The following GRAMD1C variants were observed in gnomAD, a reference collection of about 807,000 sequenced individuals.
GRAMD1C encodes protein Aster-C.
Under a neutral mutation model 97.8 loss-of-function variants are expected in GRAMD1C, and 89 were observed. The ratio of observed to expected loss-of-function variants is 0.91; its 90% CI spans 0.77 to 1.09. The LOEUF (loss-of-function observed/expected upper bound fraction) is 1.09. Among genes scored for constraint, GRAMD1C ranks in the 50% least tolerant of loss-of-function variants. The pLI, the probability that GRAMD1C is intolerant of heterozygous loss-of-function variation, is 0.00. For missense variants in GRAMD1C, 740 were observed against 766.4 expected (o/e 0.97, Z 0.41); for synonymous variants, 256 against 267.0 (o/e 0.96, Z 0.40).
chr3:113,868,275 T>A (rs1412388933), intron 2 of GRAMD1C, among the ~76,000 whole-genome samples: 1 of 152,190 alleles, frequency 6.6e-6, no homozygotes, highest in Non-Finnish European at 1.5e-5. Flanking sequence ...AAATTCAATG[T>A]CTGGGGACCC....
At position 113,945,669 on chromosome 3, in the gene GRAMD1C, T is replaced by G. The variant is rs1938037984; in HGVS notation, c.*191T>G. 1 of 522,796 alleles carries G rather than the reference T, an allele frequency of 1.9e-6. No homozygotes were observed. The highest frequency in any genetic ancestry group is 3.4e-6 in the Non-Finnish European group (1 of 296,338). The allele number at this position is 522,796 out of a possible 1,614,324, so 32.4% of individuals were successfully genotyped here. On this transcript the variant is annotated 3_prime_UTR_variant, in exon 18 of 18. Coordinates refer to ENST00000358160, the MANE Select transcript of GRAMD1C (RefSeq NM_017577.5). ...TCTGCTGGCCTTAATAATCCATCCTTTCACTTCTTATAGATATTTTTAAGC... is the reference window on the plus strand; with the variant it reads ...TCTGCTGGCCTTAATAATCCATCCTGTCACTTCTTATAGATATTTTTAAGC...
At chr3:113,890,734 G>A (rs747346745) in intron 6 of GRAMD1C, 35 of 700,292 alleles carry the variant, frequency 5.0e-5, no homozygotes, top group Non-Finnish European at 8.9e-5. Context: ...TCCTTCCAAT[G>A]TCACATTTGT....
At chr3:113,849,904 G>A (rs1377195742) in intron 2 of GRAMD1C, among the ~76,000 whole-genome samples, 2 of 148,836 alleles carry the variant, frequency 1.3e-5, no homozygotes, top group African/African-American at 4.9e-5. Flanking sequence ...CGGACGGGGC[G>A]GCTGGCCAGG....
chr3:113,861,424 G>C (rs1315042945), intron 2 of GRAMD1C, among the ~76,000 whole-genome samples: 1 of 152,166 alleles, frequency 6.6e-6, no homozygotes, highest in Non-Finnish European at 1.5e-5. Context: ...GAGTTCACTT[G>C]AGGCCAGGAG....
chr3:113,850,607 G>A, intron 2 of GRAMD1C: 1 of 1,607,722 alleles, frequency 6.2e-7, no homozygotes, highest in Non-Finnish European at 8.5e-7. Context: ...TGACATGAAG[G>A]TTGGGCACAT....
chr3:113,885,341 C>G, intron 6 of GRAMD1C: 1 of 1,592,320 alleles, frequency 6.3e-7, no homozygotes, highest in Non-Finnish European at 8.6e-7. Context: ...ACGTTCGTGG[C>G]CTTCGCTGCC....
chr3:113,847,559 A>G (rs1045232816), intron 2 of GRAMD1C, among the ~76,000 whole-genome samples: 1 of 152,226 alleles, frequency 6.6e-6, no homozygotes, highest in African/African-American at 2.4e-5. Context: ...TTTCTCTGCC[A>G]TTTAAAATCC....
chr3:113,845,374 A>G (rs1349681211), intron 2 of GRAMD1C, among the ~76,000 whole-genome samples: 2 of 152,192 alleles, frequency 1.3e-5, no homozygotes, highest in African/African-American at 4.8e-5. Context: ...TAAGGCATGT[A>G]TAGTTCCAAT....
chr3:113,862,444 C>T (rs891178817), intron 2 of GRAMD1C, among the ~76,000 whole-genome samples: 11 of 152,164 alleles, frequency 7.2e-5, no homozygotes, highest in South Asian at 4.1e-4. Flanking sequence ...GGCTCTGTTC[C>T]GCCTGGCTCA....
At chr3:113,834,122 T>C (rs560925148), upstream of GRAMD1C, among the ~76,000 whole-genome samples, 48 of 152,322 alleles carry the variant, frequency 3.2e-4, 1 homozygote, top group African/African-American at 8.4e-4. Flanking sequence ...GAAGAGTATA[T>C]GCATTTTGTA....
chr3:113,829,681 A>T (rs1044377485), intron 1 of GRAMD1C, among the ~76,000 whole-genome samples: 7 of 151,594 alleles, frequency 4.6e-5, no homozygotes, highest in Admixed American at 6.6e-5. Context: ...TTGGCACACA[A>T]TTTTTTTTTC....
intron 1 of GRAMD1C, among the ~76,000 whole-genome samples, chr3:113,832,540 C>T: frequency 6.6e-6 from 1 of 152,044 alleles, no homozygotes; most frequent in East Asian, 1.9e-4. Context: ...GATCACATCT[C>T]CAGAACTTTT....
In GRAMD1C at chr3:113,933,550, G is replaced by C. The variant is rs779321698; in HGVS notation, c.1249G>C (p.Val417Leu). The C allele has an allele frequency of 1.2e-6, 2 of 1,610,780 alleles. No homozygotes were observed. The highest frequency in any genetic ancestry group is 2.2e-5 in the South Asian group (2 of 91,008). ...KESREARFYLVDSEVLTHDVP... is the reference protein window; with the variant it reads ...KESREARFYLLDSEVLTHDVP... The stretch of plus-strand genomic sequence containing the variant: ...AAGTCGGGAAGCACGATTTTATTTG[G>C]TAGATTCAGAAGTACTGACACATGA... Residue 417 changes from valine (V) to leucine (L), a missense_variant, in exon 12 of 18, where the codon GTA becomes CTA. By Grantham distance (32) the Val-to-Leu change is conservative. Coordinates refer to ENST00000358160, the MANE Select transcript of GRAMD1C (RefSeq NM_017577.5).
In GRAMD1C at chr3:113,876,190, C is replaced by A. The variant is rs769925124; in HGVS notation, c.389C>A (p.Thr130Asn). ...ATTTCTATTGCTTTAAAGAATATAA[C>A]CTTCATGACCAAGGAAAAAACTGCT... The part of the protein sequence containing the change: ...TTISIALKNI[T>N]FMTKEKTARL... Residue 130 changes from threonine (T) to asparagine (N), a missense_variant, in exon 5 of 18, where the codon ACC becomes AAC. Thr to Asn is a moderately conservative substitution (Grantham distance 65). Coordinates refer to ENST00000358160, the MANE Select transcript of GRAMD1C (RefSeq NM_017577.5). 2 of 1,586,404 alleles carry A rather than the reference C, an allele frequency of 1.3e-6. No homozygotes were observed. Among genetic ancestry groups the A allele is most frequent in the African/African-American group, 1.3e-5 (1 of 74,188 alleles).
intron 2 of GRAMD1C, among the ~76,000 whole-genome samples, chr3:113,861,457 A>T (rs1242115650): frequency 6.6e-5 from 10 of 152,292 alleles, no homozygotes; most frequent in Non-Finnish European, 8.8e-5. Context: ...CTGTGCTATG[A>T]TCGTGCCTGT....
rs147496655 is a variant in GRAMD1C, at chr3:113,853,999, T to G, written c.174+9350T>G. On this transcript the variant is annotated intron_variant, in intron 2 of 17. Coordinates refer to ENST00000358160, the MANE Select transcript of GRAMD1C (RefSeq NM_017577.5). ...TTGACAAATAGCCTGCTGAAGGGATTGATGTGGTGAGTGAGGGAACAAGAA... is the reference window on the plus strand; with the variant it reads ...TTGACAAATAGCCTGCTGAAGGGATGGATGTGGTGAGTGAGGGAACAAGAA... Among the ~76,000 whole-genome samples the G allele has an allele frequency of 1.2e-3, 189 of 152,170 alleles. 1 individual carries two copies. Among genetic ancestry groups the G allele is most frequent in the African/African-American group, 4.4e-3 (183 of 41,498 alleles).
At chr3:113,901,278 G>A (rs1577183528) in intron 7 of GRAMD1C, 132 bp downstream of exon 7, 1 of 591,320 alleles carries the variant, frequency 1.7e-6, no homozygotes, top group Non-Finnish European at 3.1e-6. Context: ...TCTTTGTGGT[G>A]GAATGGGGTG....
In GRAMD1C at chr3:113,934,797, G is replaced by A. The variant is rs375904415; in HGVS notation, c.1456+262G>A. 6.4e-4 allele frequency among the ~76,000 whole-genome samples: 98 copies of A among 152,192 alleles called. 3 individuals are homozygous for A. In the South Asian group the frequency reaches 0.012, roughly 18 times the overall value. The stretch of plus-strand genomic sequence containing the variant: ...CTTGCTTTGTTGCCTAGGCTGGAGT[G>A]CAGTGGTGCGATCTTGGCTCACTGC... On this transcript the variant is annotated intron_variant, in intron 13 of 17. Transcript: ENST00000358160.
At chr3:113,835,849 CG>C (rs1165603427), upstream of GRAMD1C, among the ~76,000 whole-genome samples, 15 of 152,096 alleles carry the variant, frequency 9.9e-5, no homozygotes, top group Admixed American at 6.6e-4. Context: ...TGTTCTGTGA[CG>C]TTTTTTATGT....
Sources: allele counts gnomAD v4.1 joint callset (sites outside exome capture counted in the v4.1 genomes callset), GRCh38; gene constraint gnomAD v4.1.1; transcripts MANE v1.5; gene names NCBI Gene and HGNC (gene_info 2026-07-23, HGNC 2026-07-21).